TMEFF1: variants seen among roughly 807,000 people sequenced by gnomAD.
TMEFF1 encodes the protein transmembrane protein with EGF like and two follistatin like domains 1, also known as tomoregulin-1.
Under a neutral mutation model 47.5 loss-of-function variants are expected in TMEFF1, and 20 were observed. That is an observed-to-expected ratio of 0.42 (90% CI 0.30 to 0.61). The LOEUF (loss-of-function observed/expected upper bound fraction) is 0.61. Ranked by LOEUF, TMEFF1 falls within the 20% of genes least tolerant of loss-of-function variation. The pLI is 0.19. For missense variants in TMEFF1, 411 were observed against 471.1 expected (o/e 0.87, Z 1.18); for synonymous variants, 162 against 166.3 (o/e 0.97, Z 0.20).
intron 7 of TMEFF1, among the ~76,000 whole-genome samples, chr9:100,555,178 C>CAG (rs1282060833): frequency 6.6e-6 from 1 of 151,974 alleles, no homozygotes; most frequent in African/African-American, 2.4e-5. Context: ...CACACACACA[C>CAG]ACACACACAC....
chr9:100,477,182 A>G (rs1309010051), intron 1 of TMEFF1, among the ~76,000 whole-genome samples: 1 of 152,176 alleles, frequency 6.6e-6, no homozygotes, highest in Non-Finnish European at 1.5e-5. Context: ...CATTAAATTA[A>G]TAGAAGTTGT....
intron 7 of TMEFF1, among the ~76,000 whole-genome samples, chr9:100,557,148 A>C (rs145404450): frequency 5.9e-5 from 9 of 151,602 alleles, no homozygotes; most frequent in Admixed American, 5.3e-4. Context: ...TTTACATGCC[A>C]TTAAGTTCAT....
chr9:100,556,012 A>G (rs558624956), intron 7 of TMEFF1, among the ~76,000 whole-genome samples: 6 of 152,248 alleles, frequency 3.9e-5, no homozygotes, highest in Admixed American at 2.6e-4. Flanking sequence ...CCTTTGTACC[A>G]TGATTCTAGA....
chr9:100,522,844 C>T (rs1838189826), intron 5 of TMEFF1, among the ~76,000 whole-genome samples: 1 of 152,084 alleles, frequency 6.6e-6, no homozygotes, highest in African/African-American at 2.4e-5. Flanking sequence ...ACGCCATTCT[C>T]CTGCCTCAGC....
At chr9:100,557,678 TC>T (rs1256168031) in intron 7 of TMEFF1, among the ~76,000 whole-genome samples, 1 of 152,176 alleles carries the variant, frequency 6.6e-6, no homozygotes, top group African/African-American at 2.4e-5. Flanking sequence ...AATTTGAACT[TC>T]CATAGCACCT....
chr9:100,532,223 A>T (rs927335375), intron 5 of TMEFF1, among the ~76,000 whole-genome samples: 3 of 151,962 alleles, frequency 2.0e-5, no homozygotes, highest in Non-Finnish European at 4.4e-5. Flanking sequence ...ATGGCAACAA[A>T]AGCCAAAATT....
intron 2 of TMEFF1, among the ~76,000 whole-genome samples, chr9:100,502,249 T>C (rs1009577355): frequency 6.6e-6 from 1 of 152,220 alleles, no homozygotes; most frequent in African/African-American, 2.4e-5. Context: ...TGTTTTTCTT[T>C]TTAACACTAT....
intron 9 of TMEFF1, among the ~76,000 whole-genome samples, 158 bp from the exon 10 acceptor site, chr9:100,576,358 T>A (rs1839353523): frequency 6.6e-6 from 1 of 152,226 alleles, no homozygotes; most frequent in African/African-American, 2.4e-5. Context: ...TTCATCTTCA[T>A]CTTGTCTTGC....
Position 100,567,376 on chromosome 9 carries a change from A to G in TMEFF1, c.900-5142A>G, listed in dbSNP as rs1839144930. On this transcript the variant is annotated intron_variant, in intron 8 of 9. Transcript: ENST00000374879. ...AAAATTGCAACCCTCCCTTCCTGCA[A>G]CTTTCCTGGCTCATACCTGGTGTTC... is the stretch of plus-strand genomic sequence containing the variant. 2.6e-5 allele frequency among the ~76,000 whole-genome samples: 4 copies of G among 152,090 alleles called. No individual in the cohort carries two copies. In the South Asian group the frequency reaches 8.3e-4, roughly 32 times the overall value.
At chr9:100,529,252 A>C (rs1414148398) in intron 5 of TMEFF1, among the ~76,000 whole-genome samples, 7 of 150,042 alleles carry the variant, frequency 4.7e-5, no homozygotes, top group African/African-American at 9.7e-5. Flanking sequence ...TATTAACTTT[A>C]AATGTAAATG....
At chr9:100,501,932 C>T (rs759894448) in intron 2 of TMEFF1, among the ~76,000 whole-genome samples, 15 of 152,192 alleles carry the variant, frequency 9.9e-5, no homozygotes, top group Admixed American at 2.6e-4. Flanking sequence ...CATGAGCCAC[C>T]GCGCCTGGCT....
At chr9:100,516,414 A>G (rs1421674576) in intron 4 of TMEFF1, among the ~76,000 whole-genome samples, 2 of 152,220 alleles carry the variant, frequency 1.3e-5, no homozygotes, top group African/African-American at 4.8e-5. Flanking sequence ...GCAATTCATT[A>G]TCAAACCTAC....
At chr9:100,505,271 G>A (rs545814322) in intron 2 of TMEFF1, among the ~76,000 whole-genome samples, 15 of 151,800 alleles carry the variant, frequency 9.9e-5, no homozygotes, top group African/African-American at 3.6e-4. Context: ...AATTGGCTGG[G>A]CATGGTGGTG....
chr9:100,474,703 C>G (rs1007273587), intron 1 of TMEFF1, among the ~76,000 whole-genome samples: 5 of 151,336 alleles, frequency 3.3e-5, no homozygotes, highest in African/African-American at 1.2e-4. Flanking sequence ...GGGAAGATGT[C>G]GTGCCTGTGT....
rs1410405174 is a variant in TMEFF1, at chr9:100,504,522, G to A, written c.307-4483G>A. Among the ~76,000 whole-genome samples, 33 of 152,152 alleles carry A rather than the reference G, an allele frequency of 2.2e-4. 1 individual carries two copies. The highest frequency in any genetic ancestry group is 2.0e-3 in the Admixed American group (30 of 15,276). On this transcript the variant is annotated intron_variant, in intron 2 of 9. Transcript: ENST00000374879. ...TTAGTGACTATTGGCAAATACTTAC[G>A]ACTGAGAAATGATACTAGCAATAGC...
intron 1 of TMEFF1, among the ~76,000 whole-genome samples, chr9:100,490,828 A>C (rs1019849252): frequency 7.2e-6 from 1 of 139,396 alleles, no homozygotes; most frequent in Non-Finnish European, 1.5e-5. Flanking sequence ...GGATTATCTT[A>C]TATGTATGGT....
At chr9:100,486,357 T>G (rs145195763) in intron 1 of TMEFF1, among the ~76,000 whole-genome samples, 17 of 152,254 alleles carry the variant, frequency 1.1e-4, no homozygotes, top group Admixed American at 3.3e-4. Context: ...ATTCTCCTGC[T>G]TCAGCCTCCT....
intron 8 of TMEFF1, among the ~76,000 whole-genome samples, chr9:100,567,452 CT>C (rs1350676082): frequency 6.6e-6 from 1 of 152,184 alleles, no homozygotes; most frequent in African/African-American, 2.4e-5. Flanking sequence ...TGCATATCAC[CT>C]TCTAACATAA....
At chr9:100,513,146 A>G (rs1174556012) in intron 3 of TMEFF1, among the ~76,000 whole-genome samples, 161 bp from the exon 4 acceptor site, 1 of 152,138 alleles carries the variant, frequency 6.6e-6, no homozygotes, top group Non-Finnish European at 1.5e-5. Flanking sequence ...TAAGAGCAGC[A>G]TAAAATAAGT....
Sources: gnomAD v4.1 joint callset for allele counts (sites outside exome capture counted in the v4.1 genomes callset) on GRCh38, gnomAD v4.1.1 for gene constraint, MANE v1.5 for transcripts, NCBI Gene and HGNC (gene_info 2026-07-23, HGNC 2026-07-21) for gene names.